The following SGSM2 variants were observed in gnomAD, a reference collection of about 807,000 sequenced individuals.
SGSM2 encodes the protein RUN and TBC1 domain containing 1.
A neutral mutation model predicts 126.6 loss-of-function variants in SGSM2; 89 were observed. That is an observed-to-expected ratio of 0.70 (90% CI 0.59 to 0.84). The LOEUF (loss-of-function observed/expected upper bound fraction) is 0.84, where lower values mean the gene tolerates loss of function less well. SGSM2 is among the 40% of genes least tolerant of loss of function. The pLI, the probability that SGSM2 is intolerant of heterozygous loss-of-function variation, is 0.00. For missense variants in SGSM2, 1,404 were observed against 1,416.6 expected, an observed-to-expected ratio of 0.99 and a Z score of 0.14; for synonymous variants, 614 against 574.3, an observed-to-expected ratio of 1.07 and a Z score of -0.99.
At chr17:2,370,886 G>A (rs2065835922) in intron 12 of SGSM2, among the ~76,000 whole-genome samples, 1 of 150,974 alleles carries the variant, frequency 6.6e-6, no homozygotes, top group South Asian at 2.1e-4. Flanking sequence ...CGTGAAGGCT[G>A]AGCTAGCTGG....
intron 9 of SGSM2, 110 bp downstream of exon 9, chr17:2,364,773 A>C: frequency 6.4e-7 from 1 of 1,553,012 alleles, no homozygotes; most frequent in Non-Finnish European, 8.8e-7. Context: ...CATCCTTGTT[A>C]ATGGGGCTCC....
At position 2,380,434 on chromosome 17, in the gene SGSM2, T is replaced by C. The variant is rs1358914538; in HGVS notation, c.*914T>C. 1.2e-6 allele frequency: 1 copy of C among 849,958 alleles called. No homozygotes were observed. Among genetic ancestry groups the C allele is most frequent in the Non-Finnish European group, 1.9e-6 (1 of 531,250 alleles). The allele number at this position is 849,958 out of a possible 1,614,324, so 52.7% of individuals were successfully genotyped here. ...CAGTTCGAGGGCAGCCCATTATCTG[T>C]CGCAGACATCTGCCATGTCCCTGAG... On this transcript the variant is annotated 3_prime_UTR_variant, in exon 24 of 24. Coordinates refer to ENST00000268989, the MANE Select transcript of SGSM2 (RefSeq NM_014853.3).
intron 17 of SGSM2, chr17:2,373,776 T>A: frequency 2.1e-6 from 1 of 467,784 alleles, no homozygotes; most frequent in South Asian, 3.5e-5. Flanking sequence ...CTTACTGGGA[T>A]TTAGGGAAGC....
At position 2,362,918 on chromosome 17, in the gene SGSM2, G is replaced by A. The variant is rs111769203; in HGVS notation, c.526+13G>A. 41 of 1,614,188 alleles carry A rather than the reference G, an allele frequency of 2.5e-5. 1 individual carries two copies. The African/African-American group carries it at 2.9e-4, about 12-fold the overall frequency. ...GCCTCTCTTCTAGGTGAGCCTGAGAGCACAGGCACAGTGGGTACGGGGCAG... is the reference window on the plus strand; with the variant it reads ...GCCTCTCTTCTAGGTGAGCCTGAGAACACAGGCACAGTGGGTACGGGGCAG... On this transcript the variant is annotated intron_variant, in intron 5 of 23. Coordinates refer to ENST00000268989, the MANE Select transcript of SGSM2 (RefSeq NM_014853.3). This position sits in a 1 kb window ranked among gnomAD's most constrained non-coding sequence, Gnocchi z 4.9.
At position 2,363,897 on chromosome 17, in the gene SGSM2, C is replaced by CG; in HGVS notation, c.808-162_808-161insG. On this transcript the variant is annotated intron_variant, in intron 7 of 23. Coordinates refer to ENST00000268989, the MANE Select transcript of SGSM2 (RefSeq NM_014853.3). The surrounding 1 kb of genome is among the most constrained non-coding windows in gnomAD (Gnocchi z 4.2). ...AGTGGCACCAGGCTGACCAGGGAAA[C>CG]TGAGTCCTGTTTTCCTGTGCTTCTG... 1 of 879,238 alleles carries CG rather than the reference C, an allele frequency of 1.1e-6. No homozygotes were observed. The highest frequency in any genetic ancestry group is 1.7e-5 in the South Asian group (1 of 60,070). 54.5% of individuals were successfully genotyped at this position (879,238 alleles called of 1,614,324 possible).
At chr17:2,359,781 C>G (rs914158715) in intron 2 of SGSM2, among the ~76,000 whole-genome samples, 23 of 152,156 alleles carry the variant, frequency 1.5e-4, no homozygotes, top group African/African-American at 5.6e-4. Flanking sequence ...AATCACACCA[C>G]TGAGGCATGT....
intron 2 of SGSM2, among the ~76,000 whole-genome samples, chr17:2,346,182 A>G (rs2064591147): frequency 6.6e-6 from 1 of 152,182 alleles, no homozygotes; most frequent in South Asian, 2.1e-4. Flanking sequence ...AAATGGGAGT[A>G]TAGAGAACGT....
At position 2,367,190 on chromosome 17, in the gene SGSM2, C is replaced by T; in HGVS notation, c.1289-81C>T. The T allele has an allele frequency of 6.8e-7, 1 of 1,470,448 alleles. No individual in the cohort carries two copies. The highest frequency in any genetic ancestry group is 9.1e-7 in the Non-Finnish European group (1 of 1,094,144). 91.1% of individuals were successfully genotyped at this position (1,470,448 alleles called of 1,614,324 possible). A position where few individuals can be genotyped will look rare whatever the true frequency, so the allele number is the denominator to read the frequency against. On this transcript the variant is annotated intron_variant, in intron 11 of 23. Transcript: ENST00000268989. This position sits in a 1 kb window ranked among gnomAD's most constrained non-coding sequence, Gnocchi z 4.0. Reference sequence around the variant, plus strand: ...ATTCACGATGACCCCGGCCTCCATTCCACTCCCCTTAAGGAGGGAGTCCGT... The same window carrying T: ...ATTCACGATGACCCCGGCCTCCATTTCACTCCCCTTAAGGAGGGAGTCCGT...
intron 19 of SGSM2, 46 bp downstream of exon 19, chr17:2,376,307 C>CGCACTCGCTCCCG (rs200098096): frequency 6.2e-7 from 1 of 1,610,776 alleles, no homozygotes. Context: ...GACCCTGCCG[C>CGCACTCGCTCCCG]CAGTTACTCT....
chr17:2,343,735 C>A, intron 2 of SGSM2, 115 bp downstream of exon 2: 1 of 849,248 alleles, frequency 1.2e-6, no homozygotes, highest in Non-Finnish European at 1.9e-6. Context: ...GCTGCAAGTC[C>A]AAATCAACCT....
rs551113702 is a variant in SGSM2 at position 2,359,789 on chromosome 17, T to C, written c.134-1848T>C. Among the ~76,000 whole-genome samples, 5 of 152,242 alleles carry C rather than the reference T, an allele frequency of 3.3e-5. No individual in the cohort carries two copies. In the East Asian group the frequency reaches 7.7e-4, roughly 24 times the overall value. On this transcript the variant is annotated intron_variant, in intron 2 of 23. Coordinates refer to ENST00000268989, the MANE Select transcript of SGSM2 (RefSeq NM_014853.3). ...GGCAATTAATCACACCACTGAGGCA[T>C]GTGATCCGTGCAGGACATGTGCCAC...
At chr17:2,357,600 CA>C (rs1281695900) in intron 2 of SGSM2, among the ~76,000 whole-genome samples, 9 of 152,154 alleles carry the variant, frequency 5.9e-5, no homozygotes, top group African/African-American at 2.2e-4. Flanking sequence ...CAGGTTCAAG[CA>C]ATTCTTCTGC....
At chr17:2,371,520 A>G (rs898301799) in intron 13 of SGSM2, 105 bp downstream of exon 13, 3 of 1,354,452 alleles carry the variant, frequency 2.2e-6, no homozygotes, top group African/African-American at 3.0e-5. Context: ...GGTGGCCTCT[A>G]GAGTGGGACA....
In SGSM2 at chr17:2,380,287, T is replaced by G; in HGVS notation, c.*767T>G. 1 of 1,535,946 alleles carries G rather than the reference T, an allele frequency of 6.5e-7. No individual in the cohort carries two copies. The highest frequency in any genetic ancestry group is 8.7e-7 in the Non-Finnish European group (1 of 1,146,874). On this transcript the variant is annotated 3_prime_UTR_variant, in exon 24 of 24. Transcript: ENST00000268989. ...TAGGTACTTCCCTGAAAACCACGTGTAAGAAGTGATGCTTTTGCCAGTGGA... is the reference window on the plus strand; with the variant it reads ...TAGGTACTTCCCTGAAAACCACGTGGAAGAAGTGATGCTTTTGCCAGTGGA...
Position 2,372,099 on chromosome 17 carries a change from C to T in SGSM2, c.1578-91C>T, listed in dbSNP as rs2065897338. ...CCTCGCACCCTCCCCAGTGCCTTAC[C>T]TGCCCCCCAGGACAGAGCCTCCTCC... is the stretch of plus-strand genomic sequence containing the variant. On this transcript the variant is annotated intron_variant, in intron 13 of 23. Coordinates refer to ENST00000268989, the MANE Select transcript of SGSM2 (RefSeq NM_014853.3). The surrounding 1 kb of genome is among the most constrained non-coding windows in gnomAD (Gnocchi z 6.0). 7 of 1,483,534 alleles carry T rather than the reference C, an allele frequency of 4.7e-6. No individual in the cohort carries two copies. Among genetic ancestry groups the T allele is most frequent in the Non-Finnish European group, 6.5e-6 (7 of 1,072,310 alleles). The allele number at this position is 1,483,534 out of a possible 1,614,324, so 91.9% of individuals were successfully genotyped here.
In SGSM2 at chr17:2,363,808, C is replaced by A; in HGVS notation, c.807+209C>A. On this transcript the variant is annotated intron_variant, in intron 7 of 23. Coordinates refer to ENST00000268989, the MANE Select transcript of SGSM2 (RefSeq NM_014853.3). The surrounding 1 kb of genome is among the most constrained non-coding windows in gnomAD (Gnocchi z 4.2). ...ATGGCAGCCAGCAGGCGAGGGGAGTCCGCAGTGTGGGTATGGCTGGCCTGG... is the reference window on the plus strand; with the variant it reads ...ATGGCAGCCAGCAGGCGAGGGGAGTACGCAGTGTGGGTATGGCTGGCCTGG... The A allele has an allele frequency of 1.2e-6, 1 of 844,846 alleles. No homozygotes were observed. The highest frequency in any genetic ancestry group is 1.8e-6 in the Non-Finnish European group (1 of 555,560). 52.3% of individuals were successfully genotyped at this position (844,846 alleles called of 1,614,324 possible). A position where few individuals can be genotyped will look rare whatever the true frequency, so the allele number is the denominator to read the frequency against.
At chr17:2,359,933 G>C (rs2065242101) in intron 2 of SGSM2, among the ~76,000 whole-genome samples, 1 of 152,152 alleles carries the variant, frequency 6.6e-6, no homozygotes, top group South Asian at 2.1e-4. Flanking sequence ...AGCAGCCCAG[G>C]ACCAAGAGAC....
At chr17:2,373,561 C>T (rs746404201) in intron 17 of SGSM2, 48 bp downstream of exon 17, 35 of 1,529,140 alleles carry the variant, frequency 2.3e-5, no homozygotes, top group East Asian at 1.1e-4. Flanking sequence ...GGGCCACCCG[C>T]GTTTTATGCA....
At position 2,361,618 on chromosome 17, in the gene SGSM2, G is replaced by A. The variant is rs370556379; in HGVS notation, c.134-19G>A. 4.6e-5 allele frequency: 74 copies of A among 1,612,130 alleles called. No homozygotes were observed. The Middle Eastern group carries it at 7.3e-4, about 16-fold the overall frequency. ...CCCGTCTTTCCCAGGCTCAGATGCC[G>A]TTTCCCTTTGTGGCCTAGGTGCAGT... On this transcript the variant is annotated intron_variant, in intron 2 of 23. Coordinates refer to ENST00000268989, the MANE Select transcript of SGSM2 (RefSeq NM_014853.3).
Sources: allele counts gnomAD v4.1 joint callset (sites outside exome capture counted in the v4.1 genomes callset), GRCh38; gene constraint gnomAD v4.1.1; non-coding constraint Gnocchi (gnomAD v3.1); transcripts MANE v1.5; gene names NCBI Gene and HGNC (gene_info 2026-07-23, HGNC 2026-07-21).